KCND3: variants seen among roughly 807,000 people sequenced by gnomAD.
KCND3 encodes the protein A-type voltage-gated potassium channel KCND3.
Under a neutral mutation model 51.1 loss-of-function variants are expected in KCND3, and 9 were observed. That is an observed-to-expected ratio of 0.18 (90% CI 0.11 to 0.31). KCND3 has a LOEUF of 0.31. KCND3 is among the 10% of genes least tolerant of loss of function. KCND3 has a pLI of 1.00. For synonymous variants in KCND3, 349 were observed against 368.0 expected (o/e 0.95, Z 0.59); for missense variants, 526 against 903.8 (o/e 0.58, Z 5.36).
At chr1:111,898,260 C>A (rs1166814801) in intron 2 of KCND3, among the ~76,000 whole-genome samples, 1 of 152,170 alleles carries the variant, frequency 6.6e-6, no homozygotes, top group African/African-American at 2.4e-5. Context: ...GATTCTACCT[C>A]TGGGTGGGAA....
At chr1:111,824,486 C>T (rs888892279) in intron 2 of KCND3, among the ~76,000 whole-genome samples, 1 of 152,224 alleles carries the variant, frequency 6.6e-6, no homozygotes, top group African/African-American at 2.4e-5. Flanking sequence ...GCTTAAGGAA[C>T]TGAGCCTGAA....
chr1:111,989,563 G>A lies in KCND3; in HGVS notation c.-131C>T, dbSNP rs926258379. The stretch of plus-strand genomic sequence containing the variant: ...CGCCCCGCGCGCGCGAGGAAGCTGC[G>A]GCCGGGAGCCGGGGCCGCGGAGGCG... On this transcript the variant is annotated 5_prime_UTR_variant, in exon 1 of 8. Transcript: ENST00000302127. Among the ~76,000 whole-genome samples, 471 of 149,104 alleles carry A rather than the reference G, an allele frequency of 3.2e-3. 2 individuals carry two copies. Among genetic ancestry groups the A allele is most frequent in the African/African-American group, 0.011 (433 of 41,154 alleles).
intron 2 of KCND3, among the ~76,000 whole-genome samples, chr1:111,853,283 G>A (rs1230455324): frequency 6.6e-6 from 1 of 152,198 alleles, no homozygotes; most frequent in African/African-American, 2.4e-5. Context: ...CTCTGGGAAA[G>A]TGTGACAATA....
At chr1:111,861,931 A>T (rs922755298) in intron 2 of KCND3, among the ~76,000 whole-genome samples, 5 of 152,176 alleles carry the variant, frequency 3.3e-5, no homozygotes, top group African/African-American at 1.2e-4. Context: ...GGGACCCCCA[A>T]ATAAGTAGAA....
At chr1:111,776,361 G>T in intron 7 of KCND3, 83 bp from the exon 8 acceptor site, 1 of 1,266,220 alleles carries the variant, frequency 7.9e-7, no homozygotes, top group South Asian at 1.3e-5. Context: ...TTTCTTGCTC[G>T]TGGTAACTAG....
chr1:111,848,238 G>C (rs1405242857), intron 2 of KCND3, among the ~76,000 whole-genome samples: 1 of 152,194 alleles, frequency 6.6e-6, no homozygotes, highest in African/African-American at 2.4e-5. Context: ...CATGACAAAG[G>C]CTGTCTGAGA....
chr1:111,788,618 T>C (rs1664705894), intron 2 of KCND3, among the ~76,000 whole-genome samples: 1 of 152,234 alleles, frequency 6.6e-6, no homozygotes. Context: ...CAAGATTTCC[T>C]GGACGTGCAC....
intron 2 of KCND3, among the ~76,000 whole-genome samples, chr1:111,882,984 C>A (rs866737374): frequency 2.6e-5 from 4 of 152,348 alleles, no homozygotes; most frequent in South Asian, 2.1e-4. Flanking sequence ...AGGCACCTTC[C>A]TCGAGAGCCT....
chr1:111,794,129 A>G (rs1224974377), intron 2 of KCND3, among the ~76,000 whole-genome samples: 1 of 152,224 alleles, frequency 6.6e-6, no homozygotes, highest in Non-Finnish European at 1.5e-5. Context: ...ATCCTCAGTA[A>G]TCCACAGTAA....
chr1:111,891,536 C>T (rs908718964), intron 2 of KCND3, among the ~76,000 whole-genome samples: 4 of 152,170 alleles, frequency 2.6e-5, no homozygotes, highest in Admixed American at 2.0e-4. Context: ...TCCCGAAGGG[C>T]ATCCCCACCA....
chr1:111,932,208 A>C (rs1053543601), intron 2 of KCND3, among the ~76,000 whole-genome samples: 4 of 152,158 alleles, frequency 2.6e-5, no homozygotes, highest in Non-Finnish European at 4.4e-5. Context: ...CTGACTAGCA[A>C]CCTTAATACC....
chr1:111,866,263 C>CTTTTTTTTTTTTTTTTTTTTTTT (rs11399761), intron 2 of KCND3, among the ~76,000 whole-genome samples: 12 of 54,222 alleles, frequency 2.2e-4, no homozygotes, highest in South Asian at 6.0e-4. Flanking sequence ...CTTTTCTTTT[C>CTTTTTTTTTTTTTTTTTTTTTTT]TTTTTTTTTT....
intron 2 of KCND3, among the ~76,000 whole-genome samples, chr1:111,946,399 A>T (rs964031493): frequency 6.6e-6 from 1 of 152,210 alleles, no homozygotes; most frequent in Non-Finnish European, 1.5e-5. Flanking sequence ...TGCTGAGCAA[A>T]GGGCTGAGAG....
chr1:111,807,632 C>T (rs764672727), intron 2 of KCND3, among the ~76,000 whole-genome samples: 17 of 152,122 alleles, frequency 1.1e-4, no homozygotes, highest in Non-Finnish European at 1.9e-4. Flanking sequence ...GCCTAGACTG[C>T]GCCATTACAT....
chr1:111,980,055 G>A (rs750431506), intron 2 of KCND3, among the ~76,000 whole-genome samples: 12 of 152,060 alleles, frequency 7.9e-5, no homozygotes, highest in Admixed American at 7.2e-4. Flanking sequence ...GGATAAAGAC[G>A]ACCTCTTGAC....
intron 2 of KCND3, among the ~76,000 whole-genome samples, chr1:111,800,191 G>T (rs1412541441): frequency 7.7e-6 from 1 of 130,406 alleles, no homozygotes; most frequent in Non-Finnish European, 1.6e-5. Flanking sequence ...ATTTTGTTCT[G>T]CACTAAGAAA....
At position 111,772,895 on chromosome 1, in the gene KCND3, A is replaced by T. The variant is rs2101440994; in HGVS notation, c.*3182T>A. The T allele has an allele frequency of 6.6e-6, 1 of 152,334 alleles. No homozygotes were observed. Among genetic ancestry groups the T allele is most frequent in the Non-Finnish European group, 1.5e-5 (1 of 68,026 alleles). 9.4% of individuals were successfully genotyped at this position (152,334 alleles called of 1,614,324 possible). ...GGGTCATGGCTATTGGCCCCCAGAA[A>T]ATCCTGATATCCTGGTTTTTCAGTC... On this transcript the variant is annotated 3_prime_UTR_variant, in exon 8 of 8. Transcript: ENST00000302127.
At chr1:111,808,718 G>T (rs1665694518) in intron 2 of KCND3, among the ~76,000 whole-genome samples, 1 of 152,216 alleles carries the variant, frequency 6.6e-6, no homozygotes, top group Admixed American at 6.5e-5. Context: ...GATGCACAAA[G>T]TTGGTGAGGG....
At chr1:111,950,235 T>G (rs1672993601) in intron 2 of KCND3, among the ~76,000 whole-genome samples, 1 of 152,188 alleles carries the variant, frequency 6.6e-6, no homozygotes, top group African/African-American at 2.4e-5. Flanking sequence ...CATTTCCCCT[T>G]ATGAGTGTGA....
Sources: allele counts gnomAD v4.1 joint callset (sites outside exome capture counted in the v4.1 genomes callset), GRCh38; gene constraint gnomAD v4.1.1; transcripts MANE v1.5; gene names NCBI Gene and HGNC (gene_info 2026-07-23, HGNC 2026-07-21).